The following USP36 variants were observed in gnomAD, a reference collection of about 807,000 sequenced individuals.
USP36 encodes ubiquitin specific peptidase 36.
Under a neutral mutation model 111.5 loss-of-function variants are expected in USP36, and 59 were observed. The observed-to-expected ratio is 0.53, with a 90% CI of 0.43 to 0.66. The LOEUF is 0.66. Ranked by LOEUF, USP36 falls within the 30% of genes least tolerant of loss-of-function variation. The pLI, the probability that USP36 is intolerant of heterozygous loss-of-function variation, is 0.00. For synonymous variants in USP36, 628 were observed against 581.0 expected, an observed-to-expected ratio of 1.08 and a Z score of -1.16; for missense variants, 1,488 against 1,468.0, an observed-to-expected ratio of 1.01 and a Z score of -0.22.
At position 78,838,648 on chromosome 17, in the gene USP36, G is replaced by A. The variant is rs2068943212; in HGVS notation, c.-71C>T. 1.3e-5 allele frequency: 2 copies of A among 152,234 alleles called. No individual in the cohort carries two copies. Among genetic ancestry groups the A allele is most frequent in the African/African-American group, 4.8e-5 (2 of 41,434 alleles). The allele number at this position is 152,234 out of a possible 1,614,324, so 9.4% of individuals were successfully genotyped here. On this transcript the variant is annotated 5_prime_UTR_variant, in exon 2 of 21. Transcript: ENST00000449938. ...GGCATGGAACCAGGATCTTAACGGA[G>A]GGCTGAGTTTGGTTGGGCAGGTGCT...
At chr17:78,805,468 C>G (rs189330884) in intron 15 of USP36, among the ~76,000 whole-genome samples, 78 of 152,240 alleles carry the variant, frequency 5.1e-4, no homozygotes, top group African/African-American at 1.9e-3. Context: ...AGAACTAGAA[C>G]CCAGCGCCGA....
At chr17:78,819,317 G>A (rs1254074327) in intron 9 of USP36, among the ~76,000 whole-genome samples, 1 of 152,178 alleles carries the variant, frequency 6.6e-6, no homozygotes, top group African/African-American at 2.4e-5. Flanking sequence ...GTAGTAGTGT[G>A]ATCCCAGCAC....
At chr17:78,804,845 A>G (rs1002837219) in intron 15 of USP36, among the ~76,000 whole-genome samples, 1 of 152,180 alleles carries the variant, frequency 6.6e-6, no homozygotes, top group African/African-American at 2.4e-5. Context: ...AATAAATGGT[A>G]AGGAAAAAAA....
Position 78,802,542 on chromosome 17 carries a change from G to C in USP36, c.2811-7C>G, listed in dbSNP as rs775033972. On this transcript the variant is annotated splice_region_variant and splice_polypyrimidine_tract_variant and intron_variant, in intron 16 of 20. Coordinates refer to ENST00000449938, the MANE Select transcript of USP36 (RefSeq NM_001385174.1). ...ATCACCCATGGGAGAGCAGCTGCTT[G>C]GAAGTGAGAGGCAGCAGTCAGCTCT... 1 of 1,601,424 alleles carries C rather than the reference G, an allele frequency of 6.2e-7. No homozygotes were observed. Among genetic ancestry groups the C allele is most frequent in the Non-Finnish European group, 8.5e-7 (1 of 1,178,974 alleles).
In USP36 at chr17:78,798,502, G is replaced by A. The variant is rs2093667448; in HGVS notation, c.3290C>T (p.Ala1097Val). The change falls in exon 20 of 21, where the codon GCC (alanine) becomes GTC (valine). Residue 1097 changes from alanine to valine, a missense_variant. Ala to Val is a moderately conservative substitution (Grantham distance 64). Around this residue, in one of 3 missense-constraint regions of USP36, gnomAD observed 1,073 missense variants for 994.1 expected, o/e 1.08. Coordinates refer to ENST00000449938, the MANE Select transcript of USP36 (RefSeq NM_001385174.1). The surrounding 1 kb of genome is among the most constrained non-coding windows in gnomAD (Gnocchi z 5.1). ...FKREKRRNFN[A>V]FQKLQTRRNF... ...CCGTCGAGTCTGAAGTTTCTGGAAG[G>A]CGTTGAAGTTTCTCCTCTTCTCTCT... The A allele has an allele frequency of 1.2e-6, 2 of 1,614,204 alleles. 1 individual carries two copies. Among genetic ancestry groups the A allele is most frequent in the African/African-American group, 2.7e-5 (2 of 75,058 alleles).
In USP36 at chr17:78,818,702, G is replaced by A. The variant is rs775352553; in HGVS notation, c.988C>T (p.Arg330Cys). 10 of 1,613,838 alleles carry A rather than the reference G, an allele frequency of 6.2e-6. No individual in the cohort carries two copies. The highest frequency in any genetic ancestry group is 3.3e-5 in the South Asian group (3 of 91,076). ...TTCCCCCCGCTGAAGTTGGCAAAGC[G>A]CTTGAGGGAAAGGGTTAAGACGTTG... Reference protein sequence around the residue: ...TSNVLTLSLKRFANFSGGKIT... With the variant: ...TSNVLTLSLKCFANFSGGKIT... The change falls in exon 10 of 21, where the codon CGC (arginine) becomes TGC (cysteine). Residue 330 changes from arginine to cysteine, a missense_variant. Arg to Cys is a radical substitution (Grantham distance 180). Coordinates refer to ENST00000449938, the MANE Select transcript of USP36 (RefSeq NM_001385174.1).
Position 78,827,404 on chromosome 17 carries a change from C to T in USP36, c.587-57G>A, listed in dbSNP as rs148094776. The T allele has an allele frequency of 1.5e-3, 2,351 of 1,530,088 alleles. 39 individuals are homozygous for T. The African/African-American group carries it at 0.028, about 18-fold the overall frequency. 94.8% of individuals were successfully genotyped at this position (1,530,088 alleles called of 1,614,324 possible). ...TCGTGTCTTCTCATCAAACGGCCTG[C>T]GGCTGCTTTCCTGAATGGCCATTCC... On this transcript the variant is annotated intron_variant, in intron 5 of 20. Transcript: ENST00000449938.
intron 15 of USP36, among the ~76,000 whole-genome samples, chr17:78,804,322 G>A (rs377404560): frequency 2.0e-5 from 3 of 151,936 alleles, no homozygotes; most frequent in East Asian, 1.9e-4. Flanking sequence ...TTAGCCGGGC[G>A]TGGTGGCACA....
At position 78,808,837 on chromosome 17, in the gene USP36, G is replaced by A. The variant is rs548629061; in HGVS notation, c.1408-1201C>T. On this transcript the variant is annotated intron_variant, in intron 13 of 20. Coordinates refer to ENST00000449938, the MANE Select transcript of USP36 (RefSeq NM_001385174.1). ...TGCAGCCCTCACCAGCAACTCAAGGGTCTGGTATAGAGTCGGTGCTTAAAA... is the reference window on the plus strand; with the variant it reads ...TGCAGCCCTCACCAGCAACTCAAGGATCTGGTATAGAGTCGGTGCTTAAAA... 2.6e-5 allele frequency among the ~76,000 whole-genome samples: 4 copies of A among 152,080 alleles called. No individual in the cohort carries two copies. The East Asian group carries it at 7.7e-4, about 29-fold the overall frequency.
At chr17:78,829,128 T>C in intron 4 of USP36, 121 bp from the exon 5 acceptor site, 1 of 756,034 alleles carries the variant, frequency 1.3e-6, no homozygotes, top group Middle Eastern at 3.9e-4. Flanking sequence ...AACCAGGCTG[T>C]GAGAGAACGG....
At chr17:78,813,968 C>T in intron 11 of USP36, 95 bp from the exon 12 acceptor site, 7 of 1,036,720 alleles carry the variant, frequency 6.8e-6, no homozygotes, top group Non-Finnish European at 8.7e-6. Context: ...CTGTTAGTTG[C>T]TACATTTCCA....
chr17:78,810,837 G>A (rs542867226), intron 13 of USP36, among the ~76,000 whole-genome samples: 1 of 152,198 alleles, frequency 6.6e-6, no homozygotes, highest in South Asian at 2.1e-4. Context: ...CATCCAGGCC[G>A]GGCACGGTGG....
In USP36 at chr17:78,803,667, T is replaced by G; in HGVS notation, c.2528A>C (p.Lys843Thr). The change falls in exon 16 of 21, where the codon AAG becomes ACG. Residue 843 changes from lysine (K) to threonine (T), a missense_variant. Transcript: ENST00000449938. This position sits in a 1 kb window ranked among gnomAD's most constrained non-coding sequence, Gnocchi z 4.6. ...IREATAAPHG[K>T]RKRKKKKRPE... ...GCGCTTCTTCTTCTTCCTCTTCCTC[T>G]TCCCGTGGGGAGCCGCAGTGGCCTC... The G allele has an allele frequency of 6.2e-7, 1 of 1,609,658 alleles. No homozygotes were observed. The highest frequency in any genetic ancestry group is 8.5e-7 in the Non-Finnish European group (1 of 1,178,960).
At chr17:78,813,960 G>C in intron 11 of USP36, 87 bp from the exon 12 acceptor site, 1 of 1,126,216 alleles carries the variant, frequency 8.9e-7, no homozygotes, top group Non-Finnish European at 1.3e-6. Flanking sequence ...TAAAAAATCT[G>C]TTAGTTGCTA....
chr17:78,824,460 C>A (rs1259114399), intron 6 of USP36, among the ~76,000 whole-genome samples: 1 of 152,058 alleles, frequency 6.6e-6, no homozygotes, highest in Non-Finnish European at 1.5e-5. Flanking sequence ...AGGAGGATTG[C>A]TTGAGTCCAG....
rs2094100381 is a variant in USP36 at position 78,812,899 on chromosome 17, G to A, written c.1368C>T (p.Asn456=). 1.9e-6 allele frequency: 3 copies of A among 1,613,772 alleles called. No homozygotes were observed. Among genetic ancestry groups the A allele is most frequent in the South Asian group, 2.2e-5 (2 of 91,058 alleles). Reference sequence around the variant, plus strand: ...GGGAGGAAATAATCCCATTGCCGATGTTCTTCTTGGAGTGATCTGGAATCA... The same window carrying A: ...GGGAGGAAATAATCCCATTGCCGATATTCTTCTTGGAGTGATCTGGAATCA... ...PSVIPDHSKK[N]IGNGIISSPL... Residue 456 remains asparagine, a synonymous_variant, in exon 13 of 21, where the codon AAC becomes AAT. Transcript: ENST00000449938.
At chr17:78,841,322 C>T (rs907121148), upstream of USP36, 1 of 152,426 alleles carries the variant, frequency 6.6e-6, no homozygotes, top group Admixed American at 6.5e-5. Flanking sequence ...CCTTAACGTC[C>T]CGGGCTCTGG....
Position 78,835,369 on chromosome 17 carries a change from T to C in USP36, c.386A>G (p.Asn129Ser). Residue 129 changes from asparagine to serine, a missense_variant, in exon 4 of 21, where the codon AAC (asparagine) becomes AGC (serine). Coordinates refer to ENST00000449938, the MANE Select transcript of USP36 (RefSeq NM_001385174.1). ...GATGGTGGCATTGAGAAAGCAGGTG[T>C]TGCCAAGGTTGTGGAGTCCTGCGCC... Reference protein sequence around the residue: ...RVGAGLHNLGNTCFLNATIQC... With the variant: ...RVGAGLHNLGSTCFLNATIQC... 6.2e-7 allele frequency: 1 copy of C among 1,614,236 alleles called. No individual in the cohort carries two copies. Among genetic ancestry groups the C allele is most frequent in the Non-Finnish European group, 8.5e-7 (1 of 1,180,040 alleles).
At chr17:78,794,498 C>T (rs1426935575), downstream of USP36, among the ~76,000 whole-genome samples, 1 of 152,196 alleles carries the variant, frequency 6.6e-6, no homozygotes, top group African/African-American at 2.4e-5. Context: ...ATCTCCCTAA[C>T]AGCACTCACC....
Sources: allele counts gnomAD v4.1 joint callset (sites outside exome capture counted in the v4.1 genomes callset), GRCh38; gene constraint gnomAD v4.1.1; regional missense constraint gnomAD v4.1.1; non-coding constraint Gnocchi (gnomAD v3.1); transcripts MANE v1.5; gene names NCBI Gene and HGNC (gene_info 2026-07-23, HGNC 2026-07-21).